Variants in WDR91 observed in about 807,000 individuals in gnomAD.
WDR91 encodes the protein WD repeat domain 91, also known as WD repeat-containing protein 91.
A neutral mutation model predicts 88.4 loss-of-function variants in WDR91; 52 were observed. The observed-to-expected ratio is 0.59, with a 90% CI of 0.47 to 0.74. WDR91 has a LOEUF of 0.74. Among genes scored for constraint, WDR91 ranks in the 30% least tolerant of loss-of-function variants. The pLI is 0.00. For missense variants in WDR91, 824 were observed against 954.5 expected (o/e 0.86, Z 1.80); for synonymous variants, 362 against 389.5 (o/e 0.93, Z 0.83).
rs367620872 is a variant in WDR91 at position 135,188,448 on chromosome 7, G to A, written c.1866C>T (p.Ile622=). Reference sequence around the variant, plus strand: ...AGCCGCCTACCTTCCCGTCCTCGCCGATGCTGTACACGGTGTTCTCATCAT... The same window carrying A: ...AGCCGCCTACCTTCCCGTCCTCGCCAATGCTGTACACGGTGTTCTCATCAT... The part of the protein sequence containing the change: ...FSYDENTVYS[I]GEDGKFIQWN... The change falls in exon 13 of 15, where the codon ATC becomes ATT. Residue 622 remains isoleucine (I), a synonymous_variant. Coordinates refer to ENST00000354475, the MANE Select transcript of WDR91 (RefSeq NM_014149.4). 48 of 1,613,862 alleles carry A rather than the reference G, an allele frequency of 3.0e-5. 1 individual carries two copies. The highest frequency in any genetic ancestry group is 2.0e-4 in the Admixed American group (12 of 59,996).
intron 1 of WDR91, among the ~76,000 whole-genome samples, chr7:135,210,496 TC>T (rs1427794616): frequency 1.3e-5 from 2 of 152,192 alleles, no homozygotes; most frequent in African/African-American, 2.4e-5. Context: ...ATGGACTGAC[TC>T]CTTCAAGTCA....
intron 5 of WDR91, among the ~76,000 whole-genome samples, 199 bp downstream of exon 5, chr7:135,205,729 T>C (rs568644476): frequency 2.4e-4 from 37 of 152,314 alleles, no homozygotes; most frequent in African/African-American, 7.5e-4. Flanking sequence ...CACGGCACTC[T>C]AGCCTGGGCG....
intron 11 of WDR91, 156 bp downstream of exon 11, chr7:135,193,075 A>C (rs1160321824): frequency 8.1e-6 from 9 of 1,109,928 alleles, no homozygotes; most frequent in Admixed American, 2.7e-5. Context: ...TGTCACTAAC[A>C]ATCTGCCCAG....
intron 3 of WDR91, among the ~76,000 whole-genome samples, chr7:135,207,514 T>C (rs1232701053): frequency 1.3e-5 from 2 of 152,164 alleles, no homozygotes; most frequent in East Asian, 3.8e-4. Flanking sequence ...AGAGCTAGCA[T>C]CCAGTGGACT....
At chr7:135,186,946 A>G in intron 14 of WDR91, 26 bp downstream of exon 14, 1 of 1,611,780 alleles carries the variant, frequency 6.2e-7, no homozygotes, top group Non-Finnish European at 8.5e-7. Flanking sequence ...CAATACCACT[A>G]CCTCCCACCC....
chr7:135,204,639 C>T (rs1182384496), intron 5 of WDR91, among the ~76,000 whole-genome samples: 3 of 152,158 alleles, frequency 2.0e-5, no homozygotes, highest in South Asian at 2.1e-4. Flanking sequence ...GTGAAGTCTG[C>T]GGCTCTTCTT....
Position 135,186,961 on chromosome 7 carries a change from C to T in WDR91, c.2079+11G>A. On this transcript the variant is annotated intron_variant, in intron 14 of 14. Coordinates refer to ENST00000354475, the MANE Select transcript of WDR91 (RefSeq NM_014149.4). Reference sequence around the variant, plus strand: ...CAATACCACTACCTCCCACCCCCAACCATCAGTTACCTTGTAGATGACGCC... The same window carrying T: ...CAATACCACTACCTCCCACCCCCAATCATCAGTTACCTTGTAGATGACGCC... The T allele has an allele frequency of 1.2e-6, 2 of 1,613,232 alleles. No individual in the cohort carries two copies. Among genetic ancestry groups the T allele is most frequent in the Non-Finnish European group, 1.7e-6 (2 of 1,180,018 alleles).
At chr7:135,211,270 C>T in intron 1 of WDR91, 110 bp downstream of exon 1, 1 of 1,442,572 alleles carries the variant, frequency 6.9e-7, no homozygotes, top group African/African-American at 1.5e-5. Flanking sequence ...CTCCGGCGCC[C>T]CGGCGCGAGT....
chr7:135,210,870 G>C, intron 1 of WDR91: 1 of 703,686 alleles, frequency 1.4e-6, no homozygotes, highest in Non-Finnish European at 2.6e-6. Flanking sequence ...GGGGAAGTTT[G>C]GGTTTCTCTA....
chr7:135,195,152 A>C (rs1831315761), intron 8 of WDR91, 68 bp from the exon 9 acceptor site: 3 of 1,525,066 alleles, frequency 2.0e-6, no homozygotes, highest in Middle Eastern at 4.6e-4. Flanking sequence ...GCTAATGCCA[A>C]GATGATCACT....
intron 13 of WDR91, among the ~76,000 whole-genome samples, chr7:135,187,999 A>G (rs1229246080): frequency 6.6e-6 from 1 of 152,124 alleles, no homozygotes; most frequent in Non-Finnish European, 1.5e-5. Context: ...CACAGAGGGA[A>G]TCTACCAGGG....
At position 135,209,690 on chromosome 7, in the gene WDR91, A is replaced by C; in HGVS notation, c.189T>G (p.Asp63Glu). ...MQVYDLAALR[D>E]YWSYLERRLF... Reference sequence around the variant, plus strand: ...GCCGACGCTCCAAGTAGCTCCAATAATCCCGAAGGGCAGCCAAGTCATACA... The same window carrying C: ...GCCGACGCTCCAAGTAGCTCCAATACTCCCGAAGGGCAGCCAAGTCATACA... Residue 63 changes from aspartate to glutamate, a missense_variant, in exon 2 of 15, where the codon GAT becomes GAG. Coordinates refer to ENST00000354475, the MANE Select transcript of WDR91 (RefSeq NM_014149.4). 1 of 1,613,578 alleles carries C rather than the reference A, an allele frequency of 6.2e-7. No individual in the cohort carries two copies. The highest frequency in any genetic ancestry group is 8.5e-7 in the Non-Finnish European group (1 of 1,179,750).
chr7:135,208,506 C>A (rs1831890047), intron 3 of WDR91, among the ~76,000 whole-genome samples: 1 of 152,140 alleles, frequency 6.6e-6, no homozygotes, highest in Non-Finnish European at 1.5e-5. Flanking sequence ...GCCTTCCAAC[C>A]CCAGTGCCTG....
chr7:135,210,176 C>A (rs542658024), intron 1 of WDR91, among the ~76,000 whole-genome samples: 2 of 152,118 alleles, frequency 1.3e-5, no homozygotes, highest in Non-Finnish European at 2.9e-5. Flanking sequence ...ATGGTGAAAC[C>A]CCGACTCTAC....
At chr7:135,207,076 A>G in intron 4 of WDR91, 44 bp downstream of exon 4, 1 of 1,546,870 alleles carries the variant, frequency 6.5e-7, no homozygotes, top group South Asian at 1.1e-5. Context: ...TCACACACAA[A>G]AAGCAGAAGT....
chr7:135,205,278 C>A (rs1480295730), intron 5 of WDR91, among the ~76,000 whole-genome samples: 2 of 152,238 alleles, frequency 1.3e-5, no homozygotes, highest in Non-Finnish European at 2.9e-5. Flanking sequence ...ATGAGATGCT[C>A]CTTCCAATGC....
At chr7:135,188,279 G>C (rs892961977) in intron 13 of WDR91, 154 bp downstream of exon 13, 2 of 601,128 alleles carry the variant, frequency 3.3e-6, no homozygotes, top group South Asian at 2.0e-5. Context: ...CGCAAAGATT[G>C]TAAGACGAAT....
intron 8 of WDR91, among the ~76,000 whole-genome samples, 175 bp from the exon 9 acceptor site, chr7:135,195,259 T>C (rs1831319568): frequency 6.6e-6 from 1 of 152,276 alleles, no homozygotes; most frequent in Non-Finnish European, 1.5e-5. Context: ...TTCATTCGTT[T>C]GTCTAAGAAA....
Position 135,207,147 on chromosome 7 carries a change from T to C in WDR91, c.567A>G (p.Gln189=), listed in dbSNP as rs1167230582. The change falls in exon 4 of 15, where the codon CAA becomes CAG. Residue 189 remains glutamine, a synonymous_variant. Transcript: ENST00000354475. The part of the protein sequence containing the change: ...DAECQRTNQV[Q]EENEVLRQKL... The stretch of plus-strand genomic sequence containing the variant: ...TCTGACGCAGAACTTCATTTTCTTC[T>C]TGAACCTGGTTAGTCCTCTGACACT... The C allele has an allele frequency of 6.2e-7, 1 of 1,608,124 alleles. No homozygotes were observed. The highest frequency in any genetic ancestry group is 8.5e-7 in the Non-Finnish European group (1 of 1,175,786).
Sources: allele counts gnomAD v4.1 joint callset (sites outside exome capture counted in the v4.1 genomes callset), GRCh38; gene constraint gnomAD v4.1.1; transcripts MANE v1.5; gene names NCBI Gene and HGNC (gene_info 2026-07-23, HGNC 2026-07-21).